The following LIX1L variants were observed in gnomAD, a reference collection of about 807,000 sequenced individuals.
The protein encoded by LIX1L is LIX1-like protein.
A neutral mutation model predicts 34.0 loss-of-function variants in LIX1L; 20 were observed. The ratio of observed to expected loss-of-function variants is 0.59; its 90% CI spans 0.41 to 0.85. The LOEUF is 0.85. Ranked by LOEUF, LIX1L falls within the 40% of genes least tolerant of loss-of-function variation. The pLI, the probability that LIX1L is intolerant of heterozygous loss-of-function variation, is 0.00. For synonymous variants in LIX1L, 170 were observed against 187.4 expected, an observed-to-expected ratio of 0.91 and a Z score of 0.76; for missense variants, 397 against 447.0, an observed-to-expected ratio of 0.89 and a Z score of 1.01.
rs781976758 is a variant in LIX1L, at chr1:145,957,644, T to A, written c.284A>T (p.Tyr95Phe). 5.2e-6 allele frequency: 8 copies of A among 1,539,568 alleles called. No individual in the cohort carries two copies. The highest frequency in any genetic ancestry group is 7.0e-6 in the Non-Finnish European group (8 of 1,148,324). The change falls in exon 1 of 6, where the codon TAT becomes TTT. Residue 95 changes from tyrosine to phenylalanine, a missense_variant. Coordinates refer to ENST00000604000, the MANE Select transcript of LIX1L (RefSeq NM_153713.3). ...VRSFAKHTQG[Y>F]GRVNVVEALQ... ...CAGACCCGCAGACTCACCTCGGCCA[T>A]AGCCCTGCGTGTGCTTGGCGAAGCT...
chr1:145,946,387 CG>C (rs199566998), intron 2 of LIX1L, among the ~76,000 whole-genome samples: 2,981 of 151,808 alleles, frequency 0.02, 44 homozygotes, highest in Non-Finnish European at 0.029. Flanking sequence ...TTAGTAGAGA[CG>C]GGGTTTCACC....
rs1649536186 is a variant in LIX1L at position 145,957,773 on chromosome 1, G to A, written c.155C>T (p.Pro52Leu). 2.2e-6 allele frequency: 3 copies of A among 1,347,022 alleles called. No individual in the cohort carries two copies. Among genetic ancestry groups the A allele is most frequent in the Non-Finnish European group, 2.8e-6 (3 of 1,058,148 alleles). 83.4% of individuals were successfully genotyped at this position (1,347,022 alleles called of 1,614,324 possible). Residue 52 changes from proline (P) to leucine (L), a missense_variant, in exon 1 of 6, where the codon CCC becomes CTC. By Grantham distance (98) the Pro-to-Leu change is moderately conservative. Transcript: ENST00000604000. ...PPPAPPPPAPPPPPLLLSGAP... is the reference protein window; with the variant it reads ...PPPAPPPPAPLPPPLLLSGAP... The stretch of plus-strand genomic sequence containing the variant: ...CCCAGACAGGAGCAGCGGCGGCGGG[G>A]GCGGTGCGGGAGGCGGCGGGGCAGG...
chr1:145,952,341 T>C (rs1372652002), intron 1 of LIX1L, among the ~76,000 whole-genome samples: 4 of 152,136 alleles, frequency 2.6e-5, no homozygotes, highest in African/African-American at 4.8e-5. Flanking sequence ...ATATTTTCAA[T>C]GAGGAACCAT....
Position 145,947,633 on chromosome 1 carries a change from AGCAGCTTCCCCCAG to A in LIX1L, c.428_441del (p.Pro143LeufsTer12). 7 of 1,614,010 alleles carry A rather than the reference AGCAGCTTCCCCCAG, an allele frequency of 4.3e-6. No homozygotes were observed. Among genetic ancestry groups the A allele is most frequent in the Non-Finnish European group, 5.9e-6 (7 of 1,179,960 alleles). On this transcript the variant is annotated frameshift_variant, in exon 2 of 6. Coordinates refer to ENST00000604000, the MANE Select transcript of LIX1L (RefSeq NM_153713.3). LOFTEE classifies it high-confidence loss of function. ...ACAACTCTTACCTGGAAACTCCCAA[AGCAGCTTCCCCCAG>A]GCAGGGTGACATAGCAGACATAAGG...
intron 1 of LIX1L, 28 bp from the exon 2 acceptor site, chr1:145,947,810 C>T (rs782458943): frequency 1.2e-6 from 2 of 1,610,770 alleles, no homozygotes; most frequent in South Asian, 2.2e-5. Flanking sequence ...TTAAGTTCAG[C>T]AATGAATGAG....
At chr1:145,942,654 C>G (rs1553758798) in intron 3 of LIX1L, 59 bp downstream of exon 3, 1 of 1,539,248 alleles carries the variant, frequency 6.5e-7, no homozygotes, top group Non-Finnish European at 8.9e-7. Flanking sequence ...TTTACGACTT[C>G]CCAAGCAGCC....
At position 145,957,845 on chromosome 1, in the gene LIX1L, ACTCCGGGCCGCAGCG is replaced by A; in HGVS notation, c.68_82del (p.Ala23_Gly27del). On this transcript the variant is annotated inframe_deletion, in exon 1 of 6. Coordinates refer to ENST00000604000, the MANE Select transcript of LIX1L (RefSeq NM_153713.3). Reference sequence around the variant, plus strand: ...GGCGGTGGCGGCCGCGGCCCCAGTCACTCCGGGCCGCAGCGCTCGGAGAGTGCCCCTCCCGCTGGT... The same window carrying A: ...GGCGGTGGCGGCCGCGGCCCCAGTCACTCGGAGAGTGCCCCTCCCGCTGGT... 7.0e-7 allele frequency: 1 copy of A among 1,425,010 alleles called. No individual in the cohort carries two copies. Among genetic ancestry groups the A allele is most frequent in the Non-Finnish European group, 9.2e-7 (1 of 1,090,112 alleles). The allele number at this position is 1,425,010 out of a possible 1,614,324, so 88.3% of individuals were successfully genotyped here.
At chr1:145,950,832 C>T (rs976833683) in intron 1 of LIX1L, among the ~76,000 whole-genome samples, 28 of 152,118 alleles carry the variant, frequency 1.8e-4, no homozygotes, top group Admixed American at 1.4e-3. Context: ...GTTATGGATG[C>T]GAATGTGCGA....
chr1:145,942,924 G>C (rs914436641), intron 2 of LIX1L, 71 bp from the exon 3 acceptor site: 42 of 1,450,066 alleles, frequency 2.9e-5, no homozygotes, highest in Non-Finnish European at 3.9e-5. Context: ...CAGTGGGAGG[G>C]AAACACTTCA....
In LIX1L at chr1:145,934,776, G is replaced by C. The variant is rs1336384544; in HGVS notation, c.*1534C>G. On this transcript the variant is annotated 3_prime_UTR_variant, in exon 6 of 6. Coordinates refer to ENST00000604000, the MANE Select transcript of LIX1L (RefSeq NM_153713.3). Reference sequence around the variant, plus strand: ...GAGAATGGTGTGAATCTGGGAGGCGGAGGTTGCAGTGAGCCGAGATCGCGC... The same window carrying C: ...GAGAATGGTGTGAATCTGGGAGGCGCAGGTTGCAGTGAGCCGAGATCGCGC... 6.6e-6 allele frequency: 1 copy of C among 151,676 alleles called. No homozygotes were observed. Among genetic ancestry groups the C allele is most frequent in the African/African-American group, 2.4e-5 (1 of 41,128 alleles). 9.4% of individuals were successfully genotyped at this position (151,676 alleles called of 1,614,324 possible).
intron 1 of LIX1L, among the ~76,000 whole-genome samples, chr1:145,954,757 A>C (rs1312040340): frequency 6.6e-6 from 1 of 152,232 alleles, no homozygotes; most frequent in Non-Finnish European, 1.5e-5. Context: ...GCAGTTTCCA[A>C]AGCATTTCCA....
rs1398543986 is a variant in LIX1L, at chr1:145,936,648, CCTAA to C, written c.772-100_772-97del. ...GGGACTAAGAACTCAGCTTTAGAGA[CCTAA>C]CTGAGGTCAGCACCTAAGTTCTTCA... On this transcript the variant is annotated intron_variant, in intron 5 of 5. Coordinates refer to ENST00000604000, the MANE Select transcript of LIX1L (RefSeq NM_153713.3). 3 of 1,454,520 alleles carry C rather than the reference CCTAA, an allele frequency of 2.1e-6. No individual in the cohort carries two copies. The African/African-American group carries it at 4.2e-5, about 20-fold the overall frequency. The allele number at this position is 1,454,520 out of a possible 1,614,324, so 90.1% of individuals were successfully genotyped here.
At chr1:145,941,717 T>C in intron 3 of LIX1L, among the ~76,000 whole-genome samples, 1 of 152,210 alleles carries the variant, frequency 6.6e-6, no homozygotes, top group East Asian at 1.9e-4. Context: ...TATATCATGT[T>C]AAGCAACATT....
rs998788409 is a variant in LIX1L at position 145,933,648 on chromosome 1, C to T, written c.*2662G>A. ...ACTCACACCCCTTAATCCACACGTC[C>T]CAGAGAAAGGAGAAACAGGAGTGTT... On this transcript the variant is annotated 3_prime_UTR_variant, in exon 6 of 6. Transcript: ENST00000604000. 1.3e-5 allele frequency: 2 copies of T among 152,060 alleles called. No homozygotes were observed. Among genetic ancestry groups the T allele is most frequent in the Admixed American group, 6.6e-5 (1 of 15,242 alleles). 9.4% of individuals were successfully genotyped at this position (152,060 alleles called of 1,614,324 possible). A position where few individuals can be genotyped will look rare whatever the true frequency, so the allele number is the denominator to read the frequency against.
chr1:145,953,415 C>T (rs116624401), intron 1 of LIX1L, among the ~76,000 whole-genome samples: 3,034 of 152,100 alleles, frequency 0.02, 127 homozygotes, highest in African/African-American at 0.07. Flanking sequence ...TAGAGGATGG[C>T]GAGAATAGAC....
rs958397173 is a variant in LIX1L, at chr1:145,948,689, C to G, written c.293-907G>C. The G allele has an allele frequency of 6.6e-6, 1 of 152,188 alleles. No individual in the cohort carries two copies. Among genetic ancestry groups the G allele is most frequent in the Non-Finnish European group, 1.5e-5 (1 of 68,030 alleles). 9.4% of individuals were successfully genotyped at this position (152,188 alleles called of 1,614,324 possible). On this transcript the variant is annotated intron_variant, in intron 1 of 5. Coordinates refer to ENST00000604000, the MANE Select transcript of LIX1L (RefSeq NM_153713.3). This position sits in a 1 kb window ranked among gnomAD's most constrained non-coding sequence, Gnocchi z 4.0. ...AATTGGAGGACTTTAAAAAGAAGCACTCCTCCATGGGTCGGTCTCTCATGC... is the reference window on the plus strand; with the variant it reads ...AATTGGAGGACTTTAAAAAGAAGCAGTCCTCCATGGGTCGGTCTCTCATGC...
chr1:145,934,146 C>G lies in LIX1L; in HGVS notation c.*2164G>C, dbSNP rs868970194. 5 of 149,770 alleles carry G rather than the reference C, an allele frequency of 3.3e-5. No homozygotes were observed. In the South Asian group the frequency reaches 1.1e-3, roughly 32 times the overall value. The allele number at this position is 149,770 out of a possible 1,614,324, so 9.3% of individuals were successfully genotyped here. ...CAATAATATAGTATAAATAAGAGAT[C>G]ACAGAGACAAGGGGGAAATATATAT... On this transcript the variant is annotated 3_prime_UTR_variant, in exon 6 of 6. Coordinates refer to ENST00000604000, the MANE Select transcript of LIX1L (RefSeq NM_153713.3).
chr1:145,942,716 A>G lies in LIX1L; in HGVS notation c.594T>C (p.Phe198=). 1 of 1,614,002 alleles carries G rather than the reference A, an allele frequency of 6.2e-7. No homozygotes were observed. The highest frequency in any genetic ancestry group is 1.1e-5 in the South Asian group (1 of 91,080). ...EKSVSEALAS[F]NGNREEADNP... ...CTTCCAGCTCCATACAACTTACATT[A>G]AAAGATGCCAGGGCCTCAGAGACAC... Residue 198 remains phenylalanine, a synonymous_variant, in exon 3 of 6, where the codon TTT becomes TTC. Coordinates refer to ENST00000604000, the MANE Select transcript of LIX1L (RefSeq NM_153713.3).
chr1:145,947,586 T>C, intron 2 of LIX1L, 33 bp downstream of exon 2: 2 of 1,610,520 alleles, frequency 1.2e-6, no homozygotes, highest in Non-Finnish European at 1.7e-6. Flanking sequence ...ATCTAAGCAT[T>C]TACCTTTGCT....
Sources: allele counts gnomAD v4.1 joint callset (sites outside exome capture counted in the v4.1 genomes callset), GRCh38; gene constraint gnomAD v4.1.1; non-coding constraint Gnocchi (gnomAD v3.1); transcripts MANE v1.5; gene names NCBI Gene and HGNC (gene_info 2026-07-23, HGNC 2026-07-21).